TEAD4: variants seen among roughly 807,000 people sequenced by gnomAD.
The protein encoded by TEAD4 is transcriptional enhancer factor TEF-3.
In TEAD4, 36 loss-of-function variants were observed where a neutral mutation model predicts 52.4. That is an observed-to-expected ratio of 0.69 (90% CI 0.53 to 0.91). TEAD4 has a LOEUF of 0.91. TEAD4 is among the 40% of genes least tolerant of loss of function. TEAD4 has a pLI of 0.00. For synonymous variants in TEAD4, 220 were observed against 231.0 expected, an observed-to-expected ratio of 0.95 and a Z score of 0.43; for missense variants, 508 against 583.9, an observed-to-expected ratio of 0.87 and a Z score of 1.34.
intron 3 of TEAD4, among the ~76,000 whole-genome samples, chr12:2,995,690 G>A (rs2098246560): frequency 6.6e-6 from 1 of 152,184 alleles, no homozygotes; most frequent in South Asian, 2.1e-4. Flanking sequence ...CTTTTGGATG[G>A]AAGAGGGGGC....
chr12:2,998,820 C>A (rs753144992), intron 3 of TEAD4, among the ~76,000 whole-genome samples: 6 of 152,208 alleles, frequency 3.9e-5, no homozygotes, highest in Non-Finnish European at 7.3e-5. Context: ...AATGGCCTTG[C>A]TCCTCCACTG....
intron 3 of TEAD4, among the ~76,000 whole-genome samples, chr12:2,999,967 G>T (rs886685573): frequency 3.9e-5 from 6 of 152,066 alleles, no homozygotes; most frequent in African/African-American, 1.2e-4. Context: ...GAGTCTTCCT[G>T]CCTCTTTTCC....
intron 2 of TEAD4, among the ~76,000 whole-genome samples, chr12:2,967,572 A>G (rs900484027): frequency 7.2e-5 from 11 of 152,238 alleles, no homozygotes; most frequent in Non-Finnish European, 1.3e-4. Context: ...CAAAGCATCA[A>G]TTATGTAAGT....
chr12:2,995,345 G>A (rs1249182046), intron 3 of TEAD4, among the ~76,000 whole-genome samples: 1 of 152,086 alleles, frequency 6.6e-6, no homozygotes, highest in African/African-American at 2.4e-5. Flanking sequence ...TGTGAAGGAT[G>A]CTCACTCATC....
intron 2 of TEAD4, among the ~76,000 whole-genome samples, chr12:2,972,947 T>C (rs1267393022): frequency 6.6e-6 from 1 of 152,200 alleles, no homozygotes; most frequent in African/African-American, 2.4e-5. Context: ...AGGTAAAGAC[T>C]GTTCCATCCC....
chr12:3,019,035 A>G, intron 7 of TEAD4, 80 bp from the exon 8 acceptor site: 1 of 1,556,382 alleles, frequency 6.4e-7, no homozygotes. Flanking sequence ...GACCTACCAC[A>G]CAGACCACTG....
At chr12:2,964,119 G>A (rs2098218193) in intron 2 of TEAD4, among the ~76,000 whole-genome samples, 1 of 152,180 alleles carries the variant, frequency 6.6e-6, no homozygotes, top group Non-Finnish European at 1.5e-5. Flanking sequence ...CTCCTCCAAA[G>A]GGGGCCGTTG....
chr12:3,004,981 G>C (rs1024374635), intron 3 of TEAD4, among the ~76,000 whole-genome samples: 26 of 152,232 alleles, frequency 1.7e-4, no homozygotes, highest in Admixed American at 6.5e-5. Context: ...CCCCTGACCA[G>C]CACAACGAGG....
Position 2,994,695 on chromosome 12 carries a change from G to A in TEAD4, c.-29-43G>A, listed in dbSNP as rs2098245776. The stretch of plus-strand genomic sequence containing the variant: ...GTGCCTTCATCCCGTGGCCCACGCA[G>A]TTCTTCCACTGCTCACCGGGGCTGT... On this transcript the variant is annotated intron_variant, in intron 2 of 12. Coordinates refer to ENST00000359864, the MANE Select transcript of TEAD4 (RefSeq NM_003213.4). This position sits in a 1 kb window ranked among gnomAD's most constrained non-coding sequence, Gnocchi z 4.7. 2.6e-6 allele frequency: 4 copies of A among 1,513,410 alleles called. No individual in the cohort carries two copies. The Admixed American group carries it at 6.6e-5, about 25-fold the overall frequency. The allele number at this position is 1,513,410 out of a possible 1,614,324, so 93.7% of individuals were successfully genotyped here.
chr12:2,981,824 G>C (rs1325270679), intron 2 of TEAD4, among the ~76,000 whole-genome samples: 1 of 152,164 alleles, frequency 6.6e-6, no homozygotes, highest in African/African-American at 2.4e-5. Context: ...GCTGGGGTCT[G>C]CTGCTCCTCT....
At chr12:3,024,543 G>A (rs889223900) in intron 10 of TEAD4, among the ~76,000 whole-genome samples, 1 of 152,136 alleles carries the variant, frequency 6.6e-6, no homozygotes, top group Non-Finnish European at 1.5e-5. Flanking sequence ...TGTGGTCTCA[G>A]CTACTCAGGA....
At chr12:2,986,187 A>T (rs972058189) in intron 2 of TEAD4, among the ~76,000 whole-genome samples, 2 of 152,202 alleles carry the variant, frequency 1.3e-5, no homozygotes, top group African/African-American at 4.8e-5. Flanking sequence ...TTCCACCTGC[A>T]TGTCCTGCCC....
chr12:2,962,657 G>A (rs2098216753), intron 2 of TEAD4, among the ~76,000 whole-genome samples: 1 of 152,076 alleles, frequency 6.6e-6, no homozygotes, highest in East Asian at 1.9e-4. Flanking sequence ...TTTAGTAGAG[G>A]CGGGATTTCG....
intron 3 of TEAD4, among the ~76,000 whole-genome samples, chr12:3,001,731 C>G (rs2098251837): frequency 1.3e-5 from 2 of 151,258 alleles, no homozygotes; most frequent in African/African-American, 4.9e-5. Context: ...GAGCCGAGAT[C>G]ATGCCACTGC....
Position 3,006,223 on chromosome 12 carries a change from C to T in TEAD4, c.227-4781C>T, listed in dbSNP as rs1435772890. On this transcript the variant is annotated intron_variant, in intron 3 of 12. Coordinates refer to ENST00000359864, the MANE Select transcript of TEAD4 (RefSeq NM_003213.4). ...AGTTCGAAACTTTTTGAGATGTGTGCCTCGAAGGAGATGCTCGTTGGACCG... is the reference window on the plus strand; with the variant it reads ...AGTTCGAAACTTTTTGAGATGTGTGTCTCGAAGGAGATGCTCGTTGGACCG... Among the ~76,000 whole-genome samples the T allele has an allele frequency of 2.0e-5, 3 of 152,046 alleles. No individual in the cohort carries two copies. In the East Asian group the frequency reaches 5.8e-4, roughly 29 times the overall value.
At chr12:3,036,610 C>T (rs1284337701) in intron 10 of TEAD4, among the ~76,000 whole-genome samples, 6 of 152,210 alleles carry the variant, frequency 3.9e-5, no homozygotes, top group Admixed American at 2.6e-4. Context: ...GCGCTCTGGG[C>T]ACAGCTTGCA....
At chr12:3,019,933 T>G (rs2098267468) in intron 8 of TEAD4, among the ~76,000 whole-genome samples, 1 of 152,190 alleles carries the variant, frequency 6.6e-6, no homozygotes, top group African/African-American at 2.4e-5. Context: ...ATGTCTTCAC[T>G]CCAGGCCTGC....
intron 3 of TEAD4, among the ~76,000 whole-genome samples, chr12:2,998,607 G>A (rs73246998): frequency 1.1e-3 from 167 of 151,988 alleles, no homozygotes; most frequent in African/African-American, 4.0e-3. Context: ...ACACGTCAGC[G>A]CTCCCAGCAT....
At chr12:3,020,524 T>TC (rs759567748) in intron 8 of TEAD4, 110 bp from the exon 9 acceptor site, 15 of 1,306,242 alleles carry the variant, frequency 1.1e-5, no homozygotes, top group Non-Finnish European at 1.2e-5. Context: ...AGACAGGCGG[T>TC]CCCCCCAGGC....
Sources: allele counts gnomAD v4.1 joint callset (sites outside exome capture counted in the v4.1 genomes callset), GRCh38; gene constraint gnomAD v4.1.1; non-coding constraint Gnocchi (gnomAD v3.1); transcripts MANE v1.5; gene names NCBI Gene and HGNC (gene_info 2026-07-23, HGNC 2026-07-21).